ATAD2: variants seen among roughly 807,000 people sequenced by gnomAD.
ATAD2 encodes ATPase family AAA domain containing 2, also known as ATPase family AAA domain-containing protein 2.
In ATAD2, 62 loss-of-function variants were observed where a neutral mutation model predicts 168.9. That is an observed-to-expected ratio of 0.37 (90% CI 0.30 to 0.45). The LOEUF is 0.45. ATAD2 is among the 20% of genes least tolerant of loss of function. The pLI is 1.00. For synonymous variants in ATAD2, 613 were observed against 571.6 expected, an observed-to-expected ratio of 1.07 and a Z score of -1.03; for missense variants, 1,419 against 1,667.8, an observed-to-expected ratio of 0.85 and a Z score of 2.60.
chr8:123,411,427 G>A (rs182540618), intron 1 of ATAD2, among the ~76,000 whole-genome samples: 3,741 of 152,196 alleles, frequency 0.025, 65 homozygotes, highest in Middle Eastern at 0.051. Context: ...GGGTTTTCCT[G>A]ATGAGAGGGC....
chr8:123,339,945 T>G (rs1828019301), intron 19 of ATAD2, among the ~76,000 whole-genome samples: 1 of 152,164 alleles, frequency 6.6e-6, no homozygotes, highest in Non-Finnish European at 1.5e-5. Flanking sequence ...CAGGCTGGAT[T>G]GCAGTGGCAC....
chr8:123,320,991 C>T lies in ATAD2; in HGVS notation c.*143G>A, dbSNP rs561299902. ...TTTATCTTAATATGTACATAAATAT[C>T]AGGAAAGTTTAAATACTTTTATTTT... is the stretch of plus-strand genomic sequence containing the variant. On this transcript the variant is annotated 3_prime_UTR_variant, in exon 28 of 28. Coordinates refer to ENST00000287394, the MANE Select transcript of ATAD2 (RefSeq NM_014109.4). The T allele has an allele frequency of 1.4e-6, 1 of 710,542 alleles. No individual in the cohort carries two copies. Among genetic ancestry groups the T allele is most frequent in the African/African-American group, 1.9e-5 (1 of 54,038 alleles). The allele number at this position is 710,542 out of a possible 1,614,324, so 44.0% of individuals were successfully genotyped here. A position where few individuals can be genotyped will look rare whatever the true frequency, so the allele number is the denominator to read the frequency against.
chr8:123,345,665 A>G (rs948619346), intron 18 of ATAD2, among the ~76,000 whole-genome samples: 4 of 152,230 alleles, frequency 2.6e-5, no homozygotes, highest in Admixed American at 1.3e-4. Flanking sequence ...CTGGTGACAC[A>G]GTAAGACTCC....
Position 123,349,445 on chromosome 8 carries a change from C to T in ATAD2, c.1647-1G>A, listed in dbSNP as rs781723132. The stretch of plus-strand genomic sequence containing the variant: ...AGCTAGCAGGGTGGAAACAATAGAA[C>T]TAAATTTTAAAAATAAGAGAGAAGA... On this transcript the variant is annotated splice_acceptor_variant, in intron 13 of 27. Transcript: ENST00000287394. LOFTEE classifies it high-confidence loss of function. 5.6e-6 allele frequency: 9 copies of T among 1,612,510 alleles called. No individual in the cohort carries two copies. Among genetic ancestry groups the T allele is most frequent in the Non-Finnish European group, 6.8e-6 (8 of 1,179,072 alleles).
At chr8:123,383,657 C>T (rs1829560309) in intron 1 of ATAD2, among the ~76,000 whole-genome samples, 1 of 152,074 alleles carries the variant, frequency 6.6e-6, no homozygotes. Flanking sequence ...CCTGTAATCC[C>T]AGCAACTTGG....
At chr8:123,336,314 C>T in intron 22 of ATAD2, 59 bp downstream of exon 22, 1 of 1,448,606 alleles carries the variant, frequency 6.9e-7, no homozygotes, top group African/African-American at 1.5e-5. Context: ...CAAAAATCAA[C>T]CCTAAGTGTT....
At chr8:123,351,141 T>C (rs1286296759) in intron 13 of ATAD2, among the ~76,000 whole-genome samples, 1 of 152,136 alleles carries the variant, frequency 6.6e-6, no homozygotes, top group Non-Finnish European at 1.5e-5. Flanking sequence ...GCACCTAATA[T>C]CAGTTTCCCA....
At chr8:123,411,786 CAAAT>C (rs529556500) in intron 1 of ATAD2, among the ~76,000 whole-genome samples, 75 of 151,216 alleles carry the variant, frequency 5.0e-4, no homozygotes, top group Non-Finnish European at 4.6e-4. Flanking sequence ...AATAAATAAA[CAAAT>C]AAAAAGTAAT....
chr8:123,391,410 TAATA>T (rs1043237385), intron 1 of ATAD2, among the ~76,000 whole-genome samples: 46 of 138,842 alleles, frequency 3.3e-4, no homozygotes, highest in African/African-American at 1.2e-3. Flanking sequence ...ACAATGTAGT[TAATA>T]AATAGGTGAC....
At chr8:123,366,864 T>C (rs1481558836) in intron 8 of ATAD2, among the ~76,000 whole-genome samples, 3 of 150,762 alleles carry the variant, frequency 2.0e-5, no homozygotes, top group Admixed American at 6.6e-5. Flanking sequence ...AAATACCACC[T>C]GCTCCCCAAA....
At chr8:123,399,135 G>A (rs1297641332), upstream of ATAD2, among the ~76,000 whole-genome samples, 1 of 151,970 alleles carries the variant, frequency 6.6e-6, no homozygotes, top group Non-Finnish European at 1.5e-5. Flanking sequence ...GGTGGTGCAC[G>A]CCTGTAGCCC....
chr8:123,358,723 CTTTTTTTTTTTTT>C (rs772822406), intron 11 of ATAD2, among the ~76,000 whole-genome samples: 6 of 76,842 alleles, frequency 7.8e-5, no homozygotes, highest in African/African-American at 1.6e-4. Flanking sequence ...TGGTACATTA[CTTTTTTTTTTTTT>C]TTTTTTTTTT....
chr8:123,361,706 A>G, intron 8 of ATAD2, 60 bp from the exon 9 acceptor site: 1 of 1,376,320 alleles, frequency 7.3e-7, no homozygotes, highest in Non-Finnish European at 1.0e-6. Context: ...GAAAAGGCAT[A>G]AGAAAAGCAT....
At chr8:123,351,180 G>A (rs891823806) in intron 13 of ATAD2, among the ~76,000 whole-genome samples, 8 of 152,058 alleles carry the variant, frequency 5.3e-5, no homozygotes, top group African/African-American at 1.7e-4. Context: ...GTTGAGTTTC[G>A]GTCAGGTGTT....
chr8:123,404,156 G>T (rs566524326), intron 1 of ATAD2, among the ~76,000 whole-genome samples: 2 of 152,244 alleles, frequency 1.3e-5, no homozygotes, highest in South Asian at 2.1e-4. Context: ...TGGATTAAAA[G>T]TCTCCTTCAT....
intron 8 of ATAD2, among the ~76,000 whole-genome samples, chr8:123,362,077 A>G (rs1011861558): frequency 2.0e-5 from 3 of 152,172 alleles, no homozygotes; most frequent in African/African-American, 7.2e-5. Flanking sequence ...GTAGCGGGAC[A>G]TTGTCTCCAC....
At chr8:123,388,857 G>C (rs1829721121) in intron 1 of ATAD2, among the ~76,000 whole-genome samples, 1 of 151,376 alleles carries the variant, frequency 6.6e-6, no homozygotes, top group Non-Finnish European at 1.5e-5. Flanking sequence ...AAATGCTTCG[G>C]TCCCTTGGTT....
At chr8:123,410,064 T>A (rs1813131729) in intron 1 of ATAD2, among the ~76,000 whole-genome samples, 1 of 152,096 alleles carries the variant, frequency 6.6e-6, no homozygotes. Context: ...CTTTTACATG[T>A]CTGTGGCCTT....
chr8:123,401,474 G>A (rs3824251), intron 1 of ATAD2: 451,595 of 1,553,662 alleles, frequency 0.29, 68,775 homozygotes, highest in South Asian at 0.43. Flanking sequence ...AGGTGATTGG[G>A]GGGAACGTGG....
Sources: gnomAD v4.1 joint callset for allele counts (sites outside exome capture counted in the v4.1 genomes callset) on GRCh38, gnomAD v4.1.1 for gene constraint, MANE v1.5 for transcripts, NCBI Gene and HGNC (gene_info 2026-07-23, HGNC 2026-07-21) for gene names.